KICS2: variants seen among roughly 807,000 people sequenced by gnomAD.
The protein encoded by KICS2 is KICSTOR complex protein C12orf66.
KICS2 carries 13 observed loss-of-function variants against 31.4 expected under a neutral mutation model. The observed-to-expected ratio is 0.41, with a 90% CI of 0.27 to 0.66. KICS2 has a LOEUF of 0.66. KICS2 is among the 30% of genes least tolerant of loss of function. The probability of loss-of-function intolerance (pLI) is 0.28; values close to 1 mark genes in which losing one functional copy is unlikely to be tolerated. For missense variants in KICS2, 455 were observed against 545.4 expected (o/e 0.83, Z 1.65); for synonymous variants, 209 against 214.8 (o/e 0.97, Z 0.24).
At position 64,213,087 on chromosome 12, in the gene KICS2, C is replaced by CAA. The variant is rs1235001391; in HGVS notation, c.521+2589_521+2590dup. Among the ~76,000 whole-genome samples, 501 of 69,112 alleles carry CAA rather than the reference C, an allele frequency of 7.2e-3. 4 individuals carry two copies. The highest frequency in any genetic ancestry group is 0.027 in the African/African-American group (477 of 17,416). 45.3% of individuals were successfully genotyped at this position (69,112 alleles called of 152,430 possible). On this transcript the variant is annotated intron_variant, in intron 2 of 2. Coordinates refer to ENST00000398055, the MANE Select transcript of KICS2 (RefSeq NM_152440.5). ...CCTGGGCAACAGAGCGAGACAAACT[C>CAA]AAAAAAAAAAAAAAAAAAGAAAAGA...
chr12:64,218,435 A>T (rs1047435720), intron 1 of KICS2, among the ~76,000 whole-genome samples: 9 of 152,370 alleles, frequency 5.9e-5, no homozygotes, highest in African/African-American at 2.2e-4. Context: ...AGAGCTAAAA[A>T]AAACAAATGA....
chr12:64,215,847 C>A lies in KICS2; in HGVS notation c.352G>T (p.Val118Leu). 6.2e-7 allele frequency: 1 copy of A among 1,613,832 alleles called. No homozygotes were observed. The highest frequency in any genetic ancestry group is 1.1e-5 in the South Asian group (1 of 91,004). The change falls in exon 2 of 3, where the codon GTG (valine) becomes TTG (leucine). Residue 118 changes from valine to leucine, a missense_variant. By Grantham distance (32) the Val-to-Leu change is conservative. Transcript: ENST00000398055. ...RGALGGTAPH[V>L]EELLSHLSEQ... is the part of the protein sequence containing the mutation. Reference sequence around the variant, plus strand: ...GACAGGTGGGAAAGGAGTTCTTCCACGTGAGGAGCAGTCCCACCCAGGGCA... The same window carrying A: ...GACAGGTGGGAAAGGAGTTCTTCCAAGTGAGGAGCAGTCCCACCCAGGGCA...
At chr12:64,221,118 G>A (rs2136710820) in intron 1 of KICS2, among the ~76,000 whole-genome samples, 1 of 138,836 alleles carries the variant, frequency 7.2e-6, no homozygotes, top group East Asian at 2.1e-4. Flanking sequence ...ACGGGGGGGG[G>A]TGGATCAAAA....
At position 64,221,989 on chromosome 12, in the gene KICS2, C is replaced by A; in HGVS notation, c.235+14G>T. 6 of 1,599,732 alleles carry A rather than the reference C, an allele frequency of 3.8e-6. No homozygotes were observed. The highest frequency in any genetic ancestry group is 5.1e-6 in the Non-Finnish European group (6 of 1,174,138). ...CTTCCTCCTCAAGGGGCTCGGGGGG[C>A]GGGGCGGAGGTACCTAGTTTCTGCC... On this transcript the variant is annotated intron_variant, in intron 1 of 2. Transcript: ENST00000398055.
chr12:64,189,172 T>C (rs1037990339), downstream of KICS2, among the ~76,000 whole-genome samples: 1 of 151,918 alleles, frequency 6.6e-6, no homozygotes, highest in African/African-American at 2.4e-5. Flanking sequence ...AATAAATAAA[T>C]AAATAAAATA....
At chr12:64,220,012 T>TA (rs1423822949) in intron 1 of KICS2, among the ~76,000 whole-genome samples, 1 of 152,192 alleles carries the variant, frequency 6.6e-6, no homozygotes, top group Non-Finnish European at 1.5e-5. Flanking sequence ...TGATATCATA[T>TA]ACACTCCAGT....
At chr12:64,198,868 C>T (rs892639253) in intron 2 of KICS2, among the ~76,000 whole-genome samples, 1 of 151,454 alleles carries the variant, frequency 6.6e-6, no homozygotes, top group Admixed American at 6.6e-5. Context: ...TGGATAAATT[C>T]CTCCACACAT....
chr12:64,195,923 T>C (rs1303482776), intron 2 of KICS2, among the ~76,000 whole-genome samples: 1 of 152,174 alleles, frequency 6.6e-6, no homozygotes, highest in Non-Finnish European at 1.5e-5. Context: ...CACGAGATTA[T>C]ATCCCACACC....
intron 2 of KICS2, 55 bp downstream of exon 2, chr12:64,215,623 T>C: frequency 6.9e-7 from 1 of 1,454,986 alleles, no homozygotes; most frequent in Non-Finnish European, 9.4e-7. Context: ...ACTCTGAGCT[T>C]GTGTGGGATT....
Position 64,192,863 on chromosome 12 carries a change from C to T in KICS2, c.*979G>A. The stretch of plus-strand genomic sequence containing the variant: ...CTTAAGTACTGAGGTGATTACTCAA[C>T]TATGAAGAGGTCTTTCAAGCGCACA... On this transcript the variant is annotated 3_prime_UTR_variant, in exon 3 of 3. Transcript: ENST00000398055. The T allele has an allele frequency of 1.0e-6, 1 of 985,448 alleles. No homozygotes were observed. Among genetic ancestry groups the T allele is most frequent in the Non-Finnish European group, 1.2e-6 (1 of 829,934 alleles). 61.0% of individuals were successfully genotyped at this position (985,448 alleles called of 1,614,324 possible). A position where few individuals can be genotyped will look rare whatever the true frequency, so the allele number is the denominator to read the frequency against.
In KICS2 at chr12:64,222,011, T is replaced by A. The variant is rs759484652; in HGVS notation, c.227A>T (p.Gln76Leu). Residue 76 changes from glutamine to leucine, a missense_variant, in exon 1 of 3, where the codon CAG (glutamine) becomes CTG (leucine). Gln to Leu is a moderately radical substitution (Grantham distance 113, BLOSUM62 -2). Coordinates refer to ENST00000398055, the MANE Select transcript of KICS2 (RefSeq NM_152440.5). ...GGGCGGGGCGGAGGTACCTAGTTTC[T>A]GCCCCAGGTAGGTGAGGCTGTGATA... Reference protein sequence around the residue: ...KVYHSLTYLGQKLGGQSFFSR... With the variant: ...KVYHSLTYLGLKLGGQSFFSR... 3.7e-6 allele frequency: 6 copies of A among 1,613,340 alleles called. No individual in the cohort carries two copies. The highest frequency in any genetic ancestry group is 1.7e-5 in the Admixed American group (1 of 59,946).
chr12:64,189,808 T>C (rs2037365703), downstream of KICS2, among the ~76,000 whole-genome samples: 1 of 151,906 alleles, frequency 6.6e-6, no homozygotes, highest in Non-Finnish European at 1.5e-5. Context: ...AAATGGTGAA[T>C]ACAAGAGAAA....
At chr12:64,212,659 C>T (rs790006) in intron 2 of KICS2, among the ~76,000 whole-genome samples, 114,161 of 152,148 alleles carry the variant, frequency 0.75, 43,408 homozygotes, top group East Asian at 0.94. Context: ...AATGGTTTTA[C>T]GTGTGGACAT....
intron 1 of KICS2, chr12:64,221,741 C>A (rs1482617598): frequency 7.0e-6 from 4 of 569,404 alleles, no homozygotes; most frequent in Admixed American, 3.1e-5. Flanking sequence ...ATGCACGAGG[C>A]AAAAGGGCAA....
chr12:64,213,727 C>T (rs1360160138), intron 2 of KICS2, among the ~76,000 whole-genome samples: 1 of 152,166 alleles, frequency 6.6e-6, no homozygotes, highest in African/African-American at 2.4e-5. Flanking sequence ...CAAATGCCTG[C>T]TAAATCTTTA....
chr12:64,206,488 A>G (rs774078913), intron 2 of KICS2, among the ~76,000 whole-genome samples: 93 of 152,372 alleles, frequency 6.1e-4, no homozygotes, highest in Admixed American at 2.6e-3. Flanking sequence ...TAATGAATAC[A>G]AAGTAGAAAC....
chr12:64,196,534 G>A (rs1397151471), intron 2 of KICS2, among the ~76,000 whole-genome samples: 3 of 151,780 alleles, frequency 2.0e-5, no homozygotes, highest in East Asian at 1.9e-4. Flanking sequence ...ACTCTAAAAC[G>A]CAGAGCGTCT....
At chr12:64,203,876 G>A (rs1245193808) in intron 2 of KICS2, among the ~76,000 whole-genome samples, 1 of 152,144 alleles carries the variant, frequency 6.6e-6, no homozygotes, top group Admixed American at 6.5e-5. Flanking sequence ...AGCTGAGGAA[G>A]CTAAAACACT....
chr12:64,221,188 CA>C (rs2037679473), intron 1 of KICS2, among the ~76,000 whole-genome samples: 1 of 152,062 alleles, frequency 6.6e-6, no homozygotes, highest in Admixed American at 6.6e-5. Context: ...GTCCTTCATT[CA>C]CATCAGACCT....
Sources: allele counts gnomAD v4.1 joint callset (sites outside exome capture counted in the v4.1 genomes callset), GRCh38; gene constraint gnomAD v4.1.1; transcripts MANE v1.5; gene names NCBI Gene and HGNC (gene_info 2026-07-23, HGNC 2026-07-21).